Variants in DLEC1 observed in about 807,000 individuals in gnomAD.
DLEC1 encodes deleted in lung and esophageal cancer protein 1.
Under a neutral mutation model 198.1 loss-of-function variants are expected in DLEC1, and 146 were observed. The ratio of observed to expected loss-of-function variants is 0.74; its 90% CI spans 0.64 to 0.85. The LOEUF (loss-of-function observed/expected upper bound fraction) is 0.85. DLEC1 is among the 40% of genes least tolerant of loss of function. DLEC1 has a pLI of 0.00. For missense variants in DLEC1, 2,233 were observed against 2,220.0 expected (o/e 1.01, Z -0.12); for synonymous variants, 897 against 866.8 (o/e 1.03, Z -0.61).
chr3:38,075,144 A>G (rs918615201), intron 6 of DLEC1, among the ~76,000 whole-genome samples: 1 of 152,038 alleles, frequency 6.6e-6, no homozygotes, highest in African/African-American at 2.4e-5. Flanking sequence ...GGAAGACTGG[A>G]AAGATTCAAC....
At chr3:38,095,743 C>A in intron 13 of DLEC1, 145 bp from the exon 14 acceptor site, 1 of 937,396 alleles carries the variant, frequency 1.1e-6, no homozygotes, top group Non-Finnish European at 1.7e-6. Flanking sequence ...GGGGAGGAGG[C>A]AGCAGGGAAG....
intron 6 of DLEC1, among the ~76,000 whole-genome samples, chr3:38,080,615 G>A (rs951475134): frequency 2.6e-5 from 4 of 152,170 alleles, no homozygotes; most frequent in East Asian, 1.9e-4. Flanking sequence ...GGGGCCAAGC[G>A]GTGTTGCAGA....
chr3:38,049,926 A>C (rs2125584642), intron 2 of DLEC1, among the ~76,000 whole-genome samples: 1 of 152,360 alleles, frequency 6.6e-6, no homozygotes, highest in Non-Finnish European at 1.5e-5. Flanking sequence ...TACATTTCCC[A>C]GAAGGCACCT....
intron 23 of DLEC1, among the ~76,000 whole-genome samples, chr3:38,110,699 A>G (rs905792948): frequency 1.3e-5 from 2 of 152,206 alleles, no homozygotes; most frequent in African/African-American, 4.8e-5. Flanking sequence ...GGGGTGCCCC[A>G]TAGATCAGAC....
chr3:38,109,943 A>G (rs1301191138), intron 22 of DLEC1, 156 bp from the exon 23 acceptor site: 1 of 831,134 alleles, frequency 1.2e-6, no homozygotes, highest in Non-Finnish European at 1.8e-6. Context: ...GTGGGCAGGA[A>G]AGGTGGGTCT....
intron 24 of DLEC1, 83 bp downstream of exon 24, chr3:38,111,830 AGGG>A: frequency 6.7e-7 from 1 of 1,483,834 alleles, no homozygotes; most frequent in Non-Finnish European, 9.1e-7. Context: ...GGCAGCTGCC[AGGG>A]AGCGGGACCA....
chr3:38,095,035 A>G lies in DLEC1; in HGVS notation c.2076A>G (p.Thr692=), dbSNP rs1461698379. 4.3e-6 allele frequency: 7 copies of G among 1,614,098 alleles called. No homozygotes were observed. The highest frequency in any genetic ancestry group is 5.9e-6 in the Non-Finnish European group (7 of 1,180,048). Residue 692 remains threonine (T), a synonymous_variant, in exon 13 of 37, where the codon ACA becomes ACG. Transcript: ENST00000308059. ...GAAAGGGGGTTCTAAGCCCCCACAC[A>G]GACCACGAGTTCATCCTGAGCTTTT... ...MPRKGVLSPH[T]DHEFILSFSP...
intron 19 of DLEC1, among the ~76,000 whole-genome samples, chr3:38,105,106 T>C (rs1223817844): frequency 6.6e-6 from 1 of 152,196 alleles, no homozygotes; most frequent in Non-Finnish European, 1.5e-5. Flanking sequence ...GTTTCACAAA[T>C]TTCTTTCTGT....
At chr3:38,122,039 C>A in intron 35 of DLEC1, 32 bp from the exon 36 acceptor site, 1 of 1,610,562 alleles carries the variant, frequency 6.2e-7, no homozygotes. Context: ...GGGCTGCCTG[C>A]ACTCATGTGT....
At chr3:38,116,360 G>GTCA (rs1700157073) in intron 27 of DLEC1, 93 bp from the exon 28 acceptor site, 2 of 1,242,626 alleles carry the variant, frequency 1.6e-6, no homozygotes, top group Middle Eastern at 1.9e-4. Flanking sequence ...GGGAGAATAG[G>GTCA]TCATCTCTGT....
intron 6 of DLEC1, among the ~76,000 whole-genome samples, chr3:38,075,774 C>T (rs187254646): frequency 4.7e-4 from 71 of 152,024 alleles, no homozygotes; most frequent in Non-Finnish European, 8.2e-4. Context: ...TTCTTGCCCC[C>T]TAGAAAAGCG....
intron 10 of DLEC1, among the ~76,000 whole-genome samples, chr3:38,091,664 G>A (rs1444360281): frequency 6.6e-6 from 1 of 152,096 alleles, no homozygotes. Context: ...GCAATAGCAA[G>A]AAAACAACCT....
intron 21 of DLEC1, 57 bp downstream of exon 21, chr3:38,108,572 C>A (rs923207731): frequency 3.7e-6 from 5 of 1,365,952 alleles, no homozygotes; most frequent in African/African-American, 1.4e-5. Flanking sequence ...CAACCATACG[C>A]ACCTGTGCCA....
chr3:38,090,425 T>C (rs1263501060), intron 10 of DLEC1, among the ~76,000 whole-genome samples: 2 of 152,224 alleles, frequency 1.3e-5, no homozygotes, highest in Non-Finnish European at 2.9e-5. Flanking sequence ...TGCCTTGTGT[T>C]TTCTACTTAA....
chr3:38,108,648 T>A, intron 21 of DLEC1, 133 bp downstream of exon 21: 1 of 728,238 alleles, frequency 1.4e-6, no homozygotes, highest in Non-Finnish European at 2.3e-6. Context: ...TTCTTGCATT[T>A]GGGTCTGGGG....
intron 19 of DLEC1, among the ~76,000 whole-genome samples, chr3:38,104,066 C>T (rs563057548): frequency 1.3e-5 from 2 of 152,114 alleles, no homozygotes; most frequent in African/African-American, 2.4e-5. Flanking sequence ...CACAAACCTT[C>T]GATTTGTAAA....
At position 38,116,602 on chromosome 3, in the gene DLEC1, C is replaced by T; in HGVS notation, c.4006C>T (p.Leu1336Phe). 6.2e-7 allele frequency: 1 copy of T among 1,614,130 alleles called. No homozygotes were observed. The highest frequency in any genetic ancestry group is 1.7e-5 in the Admixed American group (1 of 60,026). ...CPDTPEGGCL[L>F]WSPGPSSSSE... ...TGATACCCCTGAGGGTGGCTGCCTC[C>T]TCTGGTCCCCAGGCCCCTCCAGTTC... The change falls in exon 28 of 37, where the codon CTC becomes TTC. Residue 1336 changes from leucine (L) to phenylalanine (F), a missense_variant. Leu to Phe is a conservative substitution (Grantham distance 22, BLOSUM62 0). Transcript: ENST00000308059.
chr3:38,116,905 G>A lies in DLEC1; in HGVS notation c.4179+16G>A. The A allele has an allele frequency of 6.2e-7, 1 of 1,612,418 alleles. No homozygotes were observed. On this transcript the variant is annotated intron_variant, in intron 29 of 36. Coordinates refer to ENST00000308059, the MANE Select transcript of DLEC1 (RefSeq NM_007335.4). ...CAAGCAGGTGGTGAGTTGGGGTATG[G>A]GCTGGGAGCTGTCTGCATTGGCCGG...
chr3:38,072,001 C>G (rs959151381), intron 6 of DLEC1, among the ~76,000 whole-genome samples: 4 of 152,124 alleles, frequency 2.6e-5, no homozygotes, highest in African/African-American at 9.7e-5. Flanking sequence ...CCTGCCTTTG[C>G]TGGTGAGTGG....
Sources: gnomAD v4.1 joint callset for allele counts (sites outside exome capture counted in the v4.1 genomes callset) on GRCh38, gnomAD v4.1.1 for gene constraint, MANE v1.5 for transcripts, NCBI Gene and HGNC (gene_info 2026-07-23, HGNC 2026-07-21) for gene names.